The following PPM1L variants were observed in gnomAD, a reference collection of about 807,000 sequenced individuals.
PPM1L encodes the protein protein phosphatase, Mg2+/Mn2+ dependent 1L, also known as protein phosphatase 1L.
In PPM1L, 13 loss-of-function variants were observed where a neutral mutation model predicts 31.4. The ratio of observed to expected loss-of-function variants is 0.41; its 90% CI spans 0.27 to 0.66. The LOEUF is 0.66. Among genes scored for constraint, PPM1L ranks in the 30% least tolerant of loss-of-function variants. PPM1L has a pLI of 0.29. For synonymous variants in PPM1L, 184 were observed against 175.4 expected, an observed-to-expected ratio of 1.05 and a Z score of -0.39; for missense variants, 326 against 453.7, an observed-to-expected ratio of 0.72 and a Z score of 2.56.
At chr3:161,011,031 T>G (rs1467260788) in intron 2 of PPM1L, among the ~76,000 whole-genome samples, 1 of 152,228 alleles carries the variant, frequency 6.6e-6, no homozygotes, top group African/African-American at 2.4e-5. Flanking sequence ...TTAGATCCCA[T>G]TTGTCAATTT....
chr3:160,979,024 A>G (rs1716707612), intron 2 of PPM1L, among the ~76,000 whole-genome samples: 2 of 152,030 alleles, frequency 1.3e-5, no homozygotes, highest in Non-Finnish European at 2.9e-5. Context: ...ATGCATTTAT[A>G]GAAAAATATT....
intron 1 of PPM1L, among the ~76,000 whole-genome samples, chr3:160,890,849 A>G (rs534298211): frequency 1.1e-4 from 17 of 152,212 alleles, no homozygotes; most frequent in Non-Finnish European, 2.4e-4. Flanking sequence ...AGCTTCGACA[A>G]ACCTGACAAA....
intron 1 of PPM1L, among the ~76,000 whole-genome samples, chr3:160,765,819 CT>C (rs546405699): frequency 2.0e-5 from 3 of 151,598 alleles, no homozygotes; most frequent in Non-Finnish European, 4.4e-5. Context: ...CAAGCTTCGA[CT>C]TTTTTTTTCT....
chr3:160,780,344 C>T (rs1458475847), intron 1 of PPM1L, among the ~76,000 whole-genome samples: 3 of 152,156 alleles, frequency 2.0e-5, no homozygotes, highest in Non-Finnish European at 4.4e-5. Flanking sequence ...ATTTCATCAG[C>T]CCCTGAAAAA....
intron 1 of PPM1L, among the ~76,000 whole-genome samples, chr3:160,872,772 A>G (rs1200352388): frequency 6.6e-6 from 1 of 151,960 alleles, no homozygotes; most frequent in Non-Finnish European, 1.5e-5. Flanking sequence ...TAAAAATATA[A>G]AAAGATTAGC....
At chr3:160,801,128 TACACACACACAC>T (rs10575984) in intron 1 of PPM1L, among the ~76,000 whole-genome samples, 28 of 145,688 alleles carry the variant, frequency 1.9e-4, no homozygotes, top group African/African-American at 6.0e-4. Context: ...TGTTTAGTGA[TACACACACACAC>T]ACACACACAC....
At chr3:160,894,310 C>T (rs1233260962) in intron 1 of PPM1L, among the ~76,000 whole-genome samples, 1 of 152,156 alleles carries the variant, frequency 6.6e-6, no homozygotes, top group Non-Finnish European at 1.5e-5. Flanking sequence ...GGCTCCAAGG[C>T]ATGGGAGAAA....
At chr3:160,821,507 C>T (rs1169470675) in intron 1 of PPM1L, among the ~76,000 whole-genome samples, 1 of 152,034 alleles carries the variant, frequency 6.6e-6, no homozygotes, top group Non-Finnish European at 1.5e-5. Flanking sequence ...TTACAGTTTT[C>T]ATATGTAATC....
intron 2 of PPM1L, among the ~76,000 whole-genome samples, chr3:161,027,126 G>A (rs572726486): frequency 1.3e-5 from 2 of 152,296 alleles, no homozygotes; most frequent in South Asian, 2.1e-4. Context: ...TCACTCAGAG[G>A]TATATCTAAC....
rs1039848019 is a variant in PPM1L at position 160,811,565 on chromosome 3, T to G, written c.399+54858T>G. 2.0e-5 allele frequency among the ~76,000 whole-genome samples: 3 copies of G among 152,258 alleles called. No individual in the cohort carries two copies. The East Asian group carries it at 5.8e-4, about 29-fold the overall frequency. On this transcript the variant is annotated intron_variant, in intron 1 of 3. Transcript: ENST00000498165. ...TTTACAGAAAAAGTTTCCCAACTCC[T>G]GTTTTAATATATTAATGAGATCAGT...
chr3:160,819,050 C>A (rs1197813816), intron 1 of PPM1L, among the ~76,000 whole-genome samples: 2 of 151,764 alleles, frequency 1.3e-5, no homozygotes. Context: ...TAAAGTTGAG[C>A]AGTAGATGAA....
intron 1 of PPM1L, among the ~76,000 whole-genome samples, chr3:160,923,373 C>A (rs1470298361): frequency 6.6e-6 from 1 of 152,080 alleles, no homozygotes; most frequent in Admixed American, 6.5e-5. Context: ...TTTTATTGTT[C>A]TGAAGAGCTT....
intron 1 of PPM1L, among the ~76,000 whole-genome samples, chr3:160,934,530 C>G (rs1714895444): frequency 6.6e-6 from 1 of 152,150 alleles, no homozygotes; most frequent in African/African-American, 2.4e-5. Context: ...GTAATTCCTT[C>G]ACTCCAAAAG....
chr3:160,809,581 C>A (rs953293066), intron 1 of PPM1L, among the ~76,000 whole-genome samples: 1 of 152,184 alleles, frequency 6.6e-6, no homozygotes, highest in Non-Finnish European at 1.5e-5. Context: ...GCCCTGACTT[C>A]TAGCTTCACT....
At position 160,813,375 on chromosome 3, in the gene PPM1L, T is replaced by C. The variant is rs574857409; in HGVS notation, c.399+56668T>C. Reference sequence around the variant, plus strand: ...TTTTTTTTGAGACAGAGCCTCACTCTGTCATCCAGGCCGGAGTGCAGTGGC... The same window carrying C: ...TTTTTTTTGAGACAGAGCCTCACTCCGTCATCCAGGCCGGAGTGCAGTGGC... On this transcript the variant is annotated intron_variant, in intron 1 of 3. Coordinates refer to ENST00000498165, the MANE Select transcript of PPM1L (RefSeq NM_139245.4). Among the ~76,000 whole-genome samples, 3 of 152,334 alleles carry C rather than the reference T, an allele frequency of 2.0e-5. No individual in the cohort carries two copies. The South Asian group carries it at 6.2e-4, about 32-fold the overall frequency.
chr3:160,944,831 C>CATATATTATATATATGTTATATAACAT (rs1715300182), intron 1 of PPM1L, among the ~76,000 whole-genome samples: 1 of 20,746 alleles, frequency 4.8e-5, no homozygotes, highest in African/African-American at 1.2e-4. Flanking sequence ...TTATATATAA[C>CATATATTATATATATGTTATATAACAT]ATATATATGT....
intron 1 of PPM1L, among the ~76,000 whole-genome samples, chr3:160,859,786 TG>T (rs996762589): frequency 3.3e-5 from 5 of 152,270 alleles, no homozygotes; most frequent in African/African-American, 1.2e-4. Context: ...GAACACTACA[TG>T]AAAATTGAAA....
intron 3 of PPM1L, 25 bp from the exon 4 acceptor site, chr3:161,068,782 AAACT>A: frequency 1.3e-6 from 2 of 1,568,032 alleles, no homozygotes; most frequent in Non-Finnish European, 1.7e-6. Context: ...TCAGCTGGTC[AAACT>A]AATGGGCTCA....
intron 1 of PPM1L, among the ~76,000 whole-genome samples, chr3:160,920,615 T>A (rs10936213): frequency 0.11 from 3,150 of 28,082 alleles, 78 homozygotes; most frequent in Middle Eastern, 0.12. Context: ...TCTCTCTCTC[T>A]CACACACACA....
Sources: gnomAD v4.1 joint callset for allele counts (sites outside exome capture counted in the v4.1 genomes callset) on GRCh38, gnomAD v4.1.1 for gene constraint, MANE v1.5 for transcripts, NCBI Gene and HGNC (gene_info 2026-07-23, HGNC 2026-07-21) for gene names.